The following CROCC2 variants were observed in gnomAD, a reference collection of about 807,000 sequenced individuals.
The protein encoded by CROCC2 is ciliary rootlet coiled-coil, rootletin family member 2.
CROCC2 carries 163 observed loss-of-function variants against 177.6 expected under a neutral mutation model. The observed-to-expected ratio is 0.92, with a 90% confidence interval of 0.81 to 1.05. The LOEUF (loss-of-function observed/expected upper bound fraction) is 1.05, where lower values mean the gene tolerates loss of function less well. Among genes scored for constraint, CROCC2 ranks in the 50% least tolerant of loss-of-function variants. The pLI is 0.00. For synonymous variants in CROCC2, 904 were observed against 787.3 expected (o/e 1.15, Z -2.48); for missense variants, 1,929 against 1,797.8 (o/e 1.07, Z -1.32).
chr2:240,948,639 T>G (rs938283500), intron 15 of CROCC2, among the ~76,000 whole-genome samples: 2 of 152,190 alleles, frequency 1.3e-5, no homozygotes, highest in Non-Finnish European at 2.9e-5. Context: ...GGCACTGCTG[T>G]GTGTTGGTGT....
At chr2:240,968,801 G>C (rs544515753) in intron 27 of CROCC2, among the ~76,000 whole-genome samples, 1 of 152,222 alleles carries the variant, frequency 6.6e-6, no homozygotes, top group African/African-American at 2.4e-5. Context: ...TGGGTCTGAG[G>C]TTTTCAGGTG....
Position 240,917,442 on chromosome 2 carries a change from C to T in CROCC2, c.79-1284C>T, listed in dbSNP as rs1361452181. Among the ~76,000 whole-genome samples the T allele has an allele frequency of 6.6e-6, 1 of 152,098 alleles. No individual in the cohort carries two copies. The highest frequency in any genetic ancestry group is 1.5e-5 in the Non-Finnish European group (1 of 68,008). ...GGGGGAGCAGGGCACAGCCACCAGC[C>T]CAGGCCTGAGGTCAGAGTCCGGGGA... On this transcript the variant is annotated intron_variant, in intron 1 of 31. Transcript: ENST00000690015. The surrounding 1 kb of genome is among the most constrained non-coding windows in gnomAD (Gnocchi z 4.9).
chr2:240,933,301 C>T lies in CROCC2; in HGVS notation c.1422C>T (p.Leu474=), dbSNP rs747111478. 3.2e-6 allele frequency: 5 copies of T among 1,542,454 alleles called. No individual in the cohort carries two copies. The highest frequency in any genetic ancestry group is 2.0e-5 in the Admixed American group (1 of 50,748). ...ALRGQLEAQR[L]EVQQCRASCK... ...GGGGCCAGCTGGAGGCCCAGAGGCT[C>T]GAGGTGCAGCAGTGCCGGGCATCCT... The change falls in exon 10 of 32, where the codon CTC becomes CTT. Residue 474 remains leucine, a synonymous_variant. Coordinates refer to ENST00000690015, the MANE Select transcript of CROCC2 (RefSeq NM_001351305.2).
intron 14 of CROCC2, among the ~76,000 whole-genome samples, chr2:240,945,484 G>C (rs2059517818): frequency 6.6e-6 from 1 of 152,168 alleles, no homozygotes; most frequent in South Asian, 2.1e-4. Context: ...ACTGCCAGAA[G>C]TTCTTCTTGG....
At chr2:240,925,686 T>G (rs1457343064) in intron 4 of CROCC2, 38 bp from the exon 5 acceptor site, 5 of 686,858 alleles carry the variant, frequency 7.3e-6, no homozygotes, top group Non-Finnish European at 1.3e-5. Flanking sequence ...TAGGAGAGGC[T>G]TCCTACCCCC....
intron 1 of CROCC2, among the ~76,000 whole-genome samples, chr2:240,907,424 G>A (rs547867217): frequency 1.1e-4 from 16 of 152,188 alleles, no homozygotes; most frequent in Admixed American, 3.3e-4. Context: ...CACCTCCAAC[G>A]GACCCCTCGG....
chr2:240,952,853 C>G (rs953046753), intron 18 of CROCC2, among the ~76,000 whole-genome samples: 1 of 152,004 alleles, frequency 6.6e-6, no homozygotes, highest in Non-Finnish European at 1.5e-5. Flanking sequence ...AGGGTCCATG[C>G]GAGAGGGGCT....
At chr2:240,921,254 C>T (rs2059355540) in intron 3 of CROCC2, among the ~76,000 whole-genome samples, 2 of 152,184 alleles carry the variant, frequency 1.3e-5, no homozygotes, top group Admixed American at 1.3e-4. Context: ...CCGTTCTCTG[C>T]TCCCCACCCA....
chr2:240,954,351 C>T (rs1204023674), intron 18 of CROCC2, among the ~76,000 whole-genome samples: 2 of 152,228 alleles, frequency 1.3e-5, no homozygotes, highest in African/African-American at 2.4e-5. Flanking sequence ...GCCACCCACA[C>T]TTCTGACCAC....
Position 240,945,732 on chromosome 2 carries a change from C to T in CROCC2, c.2170-328C>T, listed in dbSNP as rs117224468. ...CTGCAGCAATCTAGTTTTCTGTTAC[C>T]TTCTATTGCCATTTCTATGCAGCAT... On this transcript the variant is annotated intron_variant, in intron 14 of 31. Coordinates refer to ENST00000690015, the MANE Select transcript of CROCC2 (RefSeq NM_001351305.2). Among the ~76,000 whole-genome samples, 388 of 152,008 alleles carry T rather than the reference C, an allele frequency of 2.6e-3. 9 individuals carry two copies. The highest frequency in any genetic ancestry group is 0.018 in the Admixed American group (269 of 15,260).
Position 240,988,787 on chromosome 2 carries a change from G to A in CROCC2, c.4600G>A (p.Ala1534Thr). ...GGAGGAGGATGTGGCGAGGCTGGGG[G>A]CTGAGAAGGAGCAGCTGGACCAGTC... ...KREEDVARLGAEKEQLDQSLN... is the reference protein window; with the variant it reads ...KREEDVARLGTEKEQLDQSLN... The change falls in exon 29 of 32, where the codon GCT (alanine) becomes ACT (threonine). Residue 1534 changes from alanine (A) to threonine (T), a missense_variant. Ala to Thr is a moderately conservative substitution (Grantham distance 58, BLOSUM62 0). Around this residue, in one of 3 missense-constraint regions of CROCC2, gnomAD observed 388 missense variants for 352.7 expected, o/e 1.10. Coordinates refer to ENST00000690015, the MANE Select transcript of CROCC2 (RefSeq NM_001351305.2). 1 of 1,516,338 alleles carries A rather than the reference G, an allele frequency of 6.6e-7. No homozygotes were observed. Among genetic ancestry groups the A allele is most frequent in the Non-Finnish European group, 8.9e-7 (1 of 1,126,548 alleles). The allele number at this position is 1,516,338 out of a possible 1,614,324, so 93.9% of individuals were successfully genotyped here.
In CROCC2 at chr2:240,973,330, G is replaced by A. The variant is rs1049474641; in HGVS notation, c.4401+5068G>A. ...CGTGGTGTCAGGACACGCACGGAAC[G>A]CAGCAGCAGTGCCCAAGTAGCTGGC... On this transcript the variant is annotated intron_variant, in intron 27 of 31. Transcript: ENST00000690015. This position sits in a 1 kb window ranked among gnomAD's most constrained non-coding sequence, Gnocchi z 4.7. Among the ~76,000 whole-genome samples, 32 of 152,278 alleles carry A rather than the reference G, an allele frequency of 2.1e-4. No homozygotes were observed. Among genetic ancestry groups the A allele is most frequent in the South Asian group, 4.2e-4 (2 of 4,818 alleles).
intron 1 of CROCC2, among the ~76,000 whole-genome samples, chr2:240,914,207 G>A (rs1396077080): frequency 2.6e-5 from 4 of 152,208 alleles, no homozygotes; most frequent in Admixed American, 1.3e-4. Context: ...CCTTGTGCGC[G>A]AGTGGGGGCC....
At chr2:240,929,736 T>A (rs1037058451) in intron 5 of CROCC2, 2 of 461,852 alleles carry the variant, frequency 4.3e-6, no homozygotes, top group Middle Eastern at 7.3e-4. Context: ...CAGCCCGTCC[T>A]CTTCCATTGG....
rs1310887453 is a variant in CROCC2, at chr2:240,950,378, A to C, written c.2697A>C (p.Arg899Ser). The stretch of plus-strand genomic sequence containing the variant: ...TGGCAGAGGAGAAGGAGGTAGCCAG[A>C]TGCCAGCTGGAGCAGGAGAAGGAGC... Reference protein sequence around the residue: ...LTLAEEKEVARCQLEQEKELV... With the variant: ...LTLAEEKEVASCQLEQEKELV... Residue 899 changes from arginine to serine, a missense_variant, in exon 18 of 32, where the codon AGA becomes AGC. Physicochemically the swap from Arg to Ser is moderately radical, Grantham distance 110 (BLOSUM62 -1). This residue lies in a region of CROCC2 where 1,397 missense variants were observed against 1,239.9 expected (regional missense o/e 1.13). Transcript: ENST00000690015. The C allele has an allele frequency of 6.5e-7, 1 of 1,550,288 alleles. No homozygotes were observed.
rs1030580411 is a variant in CROCC2 at position 240,935,419 on chromosome 2, G to T, written c.2000G>T (p.Arg667Leu). The T allele has an allele frequency of 5.1e-6, 7 of 1,376,916 alleles. No individual in the cohort carries two copies. In the Admixed American group the frequency reaches 2.2e-4, roughly 43 times the overall value. The allele number at this position is 1,376,916 out of a possible 1,614,324, so 85.3% of individuals were successfully genotyped here. ...QRKTLEQERA[R>L]AGEQLAQAEQ... ...AAGACTCTGGAGCAGGAACGGGCCC[G>T]GGCCGGGGAGCAGCTGGCACAGGCG... Residue 667 changes from arginine (R) to leucine (L), a missense_variant, in exon 14 of 32, where the codon CGG becomes CTG. This residue lies in a region of CROCC2 where 1,397 missense variants were observed against 1,239.9 expected (regional missense o/e 1.13). Coordinates refer to ENST00000690015, the MANE Select transcript of CROCC2 (RefSeq NM_001351305.2).
rs547269031 is a variant in CROCC2, at chr2:240,934,970, G to A, written c.1846G>A (p.Gly616Arg). Residue 616 changes from glycine to arginine, a missense_variant, in exon 13 of 32, where the codon GGA becomes AGA. Gly to Arg is a moderately radical substitution (Grantham distance 125, BLOSUM62 -2). Around this residue, in one of 3 missense-constraint regions of CROCC2, gnomAD observed 1,397 missense variants for 1,239.9 expected, o/e 1.13. Transcript: ENST00000690015. Reference protein sequence around the residue: ...ELLVRRLKSEGVEQRDSLAAM... With the variant: ...ELLVRRLKSERVEQRDSLAAM... ...TCTTGTGAGGCGGCTGAAGTCGGAG[G>A]GAGTGGAGCAAAGGGACTCCCTGGC... The A allele has an allele frequency of 1.8e-5, 27 of 1,510,018 alleles. No homozygotes were observed. In the Admixed American group the frequency reaches 4.4e-4, roughly 24 times the overall value. 93.5% of individuals were successfully genotyped at this position (1,510,018 alleles called of 1,614,324 possible). A position where few individuals can be genotyped will look rare whatever the true frequency, so the allele number is the denominator to read the frequency against.
chr2:240,926,880 C>A (rs4675846), intron 5 of CROCC2, among the ~76,000 whole-genome samples: 1 of 152,256 alleles, frequency 6.6e-6, no homozygotes, highest in Admixed American at 6.5e-5. Flanking sequence ...CCTTCTGGCT[C>A]GAGGCGTTTG....
At chr2:240,983,775 T>C (rs2106491222) in intron 28 of CROCC2, 2 of 437,208 alleles carry the variant, frequency 4.6e-6, no homozygotes, top group South Asian at 4.0e-5. Flanking sequence ...CTGCCTTGGC[T>C]CTCCCTGGGG....
Sources: gnomAD v4.1 joint callset for allele counts (sites outside exome capture counted in the v4.1 genomes callset) on GRCh38, gnomAD v4.1.1 for gene constraint, gnomAD v4.1.1 regional missense constraint, Gnocchi (gnomAD v3.1) non-coding constraint, MANE v1.5 for transcripts, NCBI Gene and HGNC (gene_info 2026-07-23, HGNC 2026-07-21) for gene names.